The following NSUN3 variants were observed in gnomAD, a reference collection of about 807,000 sequenced individuals.
NSUN3 encodes tRNA (cytosine(34)-C(5))-methyltransferase, mitochondrial.
A neutral mutation model predicts 36.8 loss-of-function variants in NSUN3; 24 were observed. The observed-to-expected ratio is 0.65, with a 90% CI of 0.47 to 0.92. NSUN3 has a LOEUF of 0.92. Ranked by LOEUF, NSUN3 falls within the 40% of genes least tolerant of loss-of-function variation. The pLI is 0.00. For synonymous variants in NSUN3, 146 were observed against 145.2 expected (o/e 1.01, Z -0.04); for missense variants, 381 against 392.8 (o/e 0.97, Z 0.25).
At chr3:94,081,872 A>G (rs559675646) in intron 2 of NSUN3, 3 of 152,294 alleles carry the variant, frequency 2.0e-5, no homozygotes, top group South Asian at 4.1e-4. Context: ...CTATATCTCT[A>G]CCTGTCTACA....
chr3:94,087,916 G>A (rs1195917736), intron 3 of NSUN3, among the ~76,000 whole-genome samples: 1 of 152,132 alleles, frequency 6.6e-6, no homozygotes, highest in Non-Finnish European at 1.5e-5. Context: ...CAGTCTGCCT[G>A]CCTTGACCTC....
At chr3:94,063,329 T>C in intron 1 of NSUN3, 191 bp downstream of exon 1, 1 of 625,818 alleles carries the variant, frequency 1.6e-6, no homozygotes, top group Non-Finnish European at 2.9e-6. Flanking sequence ...GTCCCTTCCG[T>C]CCAGCTCGCA....
intron 2 of NSUN3, among the ~76,000 whole-genome samples, chr3:94,066,134 G>C (rs534978077): frequency 1.3e-5 from 2 of 148,926 alleles, no homozygotes; most frequent in Non-Finnish European, 3.0e-5. Context: ...ATCCTATAAT[G>C]ACTTATTTTT....
At chr3:94,076,992 G>A (rs1247762107) in intron 2 of NSUN3, 9 of 918,942 alleles carry the variant, frequency 9.8e-6, no homozygotes, top group Non-Finnish European at 9.1e-6. Context: ...GATGAATGCT[G>A]AAATCTTTCC....
intron 5 of NSUN3, among the ~76,000 whole-genome samples, chr3:94,105,748 TAC>T (rs148215821): frequency 2.1e-4 from 31 of 149,024 alleles, no homozygotes; most frequent in East Asian, 7.9e-4. Context: ...CACACACACA[TAC>T]ACACACACAC....
At chr3:94,094,934 C>T in intron 4 of NSUN3, 99 bp from the exon 5 acceptor site, 2 of 1,195,888 alleles carry the variant, frequency 1.7e-6, no homozygotes, top group Non-Finnish European at 2.4e-6. Context: ...TACTTATTTC[C>T]TATTTGTTTA....
intron 2 of NSUN3, chr3:94,075,903 C>T (rs961245674): frequency 1.4e-5 from 19 of 1,347,816 alleles, no homozygotes; most frequent in African/African-American, 5.8e-5. Context: ...GAAGTAAAGA[C>T]GTATCTAGGA....
At chr3:94,068,306 A>C (rs536404017) in intron 2 of NSUN3, among the ~76,000 whole-genome samples, 2 of 152,180 alleles carry the variant, frequency 1.3e-5, no homozygotes, top group Non-Finnish European at 2.9e-5. Flanking sequence ...AGCCTTCTGT[A>C]TGTCCCTTGG....
intron 2 of NSUN3, among the ~76,000 whole-genome samples, chr3:94,083,525 A>G (rs545115429): frequency 2.0e-4 from 30 of 152,316 alleles, no homozygotes; most frequent in African/African-American, 5.8e-4. Flanking sequence ...AAGTGAAGTT[A>G]CAAAGGTTAC....
chr3:94,124,542 GTCT>G (rs1162197708), intron 5 of NSUN3, among the ~76,000 whole-genome samples: 1 of 151,838 alleles, frequency 6.6e-6, no homozygotes, highest in African/African-American at 2.4e-5. Flanking sequence ...TTCTCCCTGC[GTCT>G]TCTTTATATG....
At chr3:94,099,426 C>T (rs2107259201) in intron 5 of NSUN3, among the ~76,000 whole-genome samples, 1 of 152,242 alleles carries the variant, frequency 6.6e-6, no homozygotes, top group Non-Finnish European at 1.5e-5. Flanking sequence ...TAGCACATCA[C>T]TTCAGTAGCA....
chr3:94,087,735 A>G (rs1232560977), intron 3 of NSUN3, among the ~76,000 whole-genome samples: 4 of 152,266 alleles, frequency 2.6e-5, no homozygotes, highest in Middle Eastern at 3.4e-3. Flanking sequence ...CAGTGGTGCG[A>G]TCTTGGCTCA....
At chr3:94,080,860 TG>T (rs2077265723) in intron 2 of NSUN3, among the ~76,000 whole-genome samples, 2 of 152,284 alleles carry the variant, frequency 1.3e-5, no homozygotes, top group South Asian at 4.1e-4. Context: ...GGGTGGGACC[TG>T]CTGAGCAAGA....
intron 2 of NSUN3, among the ~76,000 whole-genome samples, chr3:94,077,902 T>C (rs961112045): frequency 2.6e-5 from 4 of 152,204 alleles, no homozygotes; most frequent in Non-Finnish European, 4.4e-5. Context: ...CCTGGATTCA[T>C]TGATTTTTTT....
intron 5 of NSUN3, among the ~76,000 whole-genome samples, chr3:94,117,710 A>T (rs564211112): frequency 6.6e-6 from 1 of 152,064 alleles, no homozygotes; most frequent in Non-Finnish European, 1.5e-5. Flanking sequence ...TTTCTACTAT[A>T]TATTTTTTCT....
At chr3:94,072,933 C>G (rs2077230056) in intron 2 of NSUN3, among the ~76,000 whole-genome samples, 1 of 152,080 alleles carries the variant, frequency 6.6e-6, no homozygotes. Flanking sequence ...AGGTATTTCT[C>G]CTAATGCTAT....
chr3:94,106,054 T>TC (rs1034643735), intron 5 of NSUN3, among the ~76,000 whole-genome samples: 2 of 152,064 alleles, frequency 1.3e-5, no homozygotes, highest in African/African-American at 4.8e-5. Flanking sequence ...TCCCTACTGT[T>TC]CCATACTCAT....
At chr3:94,116,823 C>T (rs2077441808) in intron 5 of NSUN3, among the ~76,000 whole-genome samples, 1 of 151,980 alleles carries the variant, frequency 6.6e-6, no homozygotes, top group Non-Finnish European at 1.5e-5. Context: ...ATGGTCTAAC[C>T]TCCTTTCTAC....
chr3:94,104,270 C>G (rs996668410), intron 5 of NSUN3, among the ~76,000 whole-genome samples: 4 of 152,210 alleles, frequency 2.6e-5, no homozygotes, highest in Non-Finnish European at 4.4e-5. Context: ...ACCTGGGGAG[C>G]TACATCAGCT....
Sources: gnomAD v4.1 joint callset for allele counts (sites outside exome capture counted in the v4.1 genomes callset) on GRCh38, gnomAD v4.1.1 for gene constraint, MANE v1.5 for transcripts, NCBI Gene and HGNC (gene_info 2026-07-23, HGNC 2026-07-21) for gene names.